The following GIPC2 variants were observed in gnomAD, a reference collection of about 807,000 sequenced individuals.
The protein encoded by GIPC2 is GIPC PDZ domain containing family member 2, also known as PDZ domain-containing protein GIPC2.
Under a neutral mutation model 30.6 loss-of-function variants are expected in GIPC2, and 30 were observed. The observed-to-expected ratio is 0.98, with a 90% CI of 0.73 to 1.33. The LOEUF is 1.33. Ranked by LOEUF, GIPC2 falls within the 40% of genes most tolerant of loss-of-function variation. The pLI is 0.00. For synonymous variants in GIPC2, 167 were observed against 150.0 expected (o/e 1.11, Z -0.83); for missense variants, 414 against 390.3 (o/e 1.06, Z -0.51).
intron 3 of GIPC2, among the ~76,000 whole-genome samples, chr1:78,104,097 G>A (rs1178211438): frequency 6.6e-6 from 1 of 151,874 alleles, no homozygotes. Context: ...TTTGAAGCCT[G>A]GGAGATGGGG....
At position 78,135,807 on chromosome 1, in the gene GIPC2, C is replaced by A; in HGVS notation, c.*64C>A. 7.3e-7 allele frequency: 1 copy of A among 1,367,052 alleles called. No individual in the cohort carries two copies. Among genetic ancestry groups the A allele is most frequent in the Non-Finnish European group, 1.0e-6 (1 of 982,834 alleles). The allele number at this position is 1,367,052 out of a possible 1,614,324, so 84.7% of individuals were successfully genotyped here. ...TTTTTTTTCTCTTTTTTAAAAAGTCCTATAAGATCTGTTTTTGGACACCTT... is the reference window on the plus strand; with the variant it reads ...TTTTTTTTCTCTTTTTTAAAAAGTCATATAAGATCTGTTTTTGGACACCTT... On this transcript the variant is annotated 3_prime_UTR_variant, in exon 6 of 6. Coordinates refer to ENST00000370759, the MANE Select transcript of GIPC2 (RefSeq NM_017655.6).
At chr1:78,047,345 C>T (rs1332235414) in intron 1 of GIPC2, among the ~76,000 whole-genome samples, 2 of 152,106 alleles carry the variant, frequency 1.3e-5, no homozygotes, top group African/African-American at 2.4e-5. Context: ...AGTTGTTTAT[C>T]AGGTCTGTTC....
At chr1:78,058,032 C>G (rs925363290) in intron 1 of GIPC2, among the ~76,000 whole-genome samples, 3 of 152,196 alleles carry the variant, frequency 2.0e-5, no homozygotes, top group Non-Finnish European at 4.4e-5. Context: ...TATGTTTATA[C>G]TTTTTGCTGG....
chr1:78,087,465 T>G (rs907923876), intron 2 of GIPC2, among the ~76,000 whole-genome samples: 2 of 152,094 alleles, frequency 1.3e-5, no homozygotes, highest in Admixed American at 6.5e-5. Context: ...CACCTGATAT[T>G]TAACAAAGCT....
chr1:78,126,434 G>A (rs1040242675), intron 5 of GIPC2, among the ~76,000 whole-genome samples: 2 of 151,908 alleles, frequency 1.3e-5, no homozygotes, highest in South Asian at 2.1e-4. Context: ...GAATTTCTGC[G>A]TATTTCTTAT....
At chr1:78,053,399 C>G (rs1661229662) in intron 1 of GIPC2, among the ~76,000 whole-genome samples, 1 of 152,172 alleles carries the variant, frequency 6.6e-6, no homozygotes. Context: ...TCACCTAACA[C>G]AAGCCCAAAT....
chr1:78,119,355 C>A, intron 3 of GIPC2, 38 bp from the exon 4 acceptor site: 1 of 1,092,912 alleles, frequency 9.1e-7, no homozygotes, highest in Non-Finnish European at 1.4e-6. Context: ...GGGATGCTTT[C>A]TGTGTATATG....
chr1:78,121,330 G>A (rs1212024968), intron 4 of GIPC2, among the ~76,000 whole-genome samples: 1 of 152,140 alleles, frequency 6.6e-6, no homozygotes, highest in Non-Finnish European at 1.5e-5. Flanking sequence ...GGGGGGCAGG[G>A]GCAAGGCTCT....
chr1:78,058,178 C>A (rs1661330983), intron 1 of GIPC2, among the ~76,000 whole-genome samples: 1 of 152,058 alleles, frequency 6.6e-6, no homozygotes, highest in Non-Finnish European at 1.5e-5. Flanking sequence ...TCTCTGAGAC[C>A]TTGGGCAAGT....
chr1:78,102,106 A>G (rs1662259903), intron 3 of GIPC2, among the ~76,000 whole-genome samples: 1 of 152,232 alleles, frequency 6.6e-6, no homozygotes, highest in African/African-American at 2.4e-5. Context: ...TTTCAAAAGC[A>G]GGAAGAAAAT....
At chr1:78,088,618 ACT>A (rs1661978612) in intron 2 of GIPC2, among the ~76,000 whole-genome samples, 1 of 152,100 alleles carries the variant, frequency 6.6e-6, no homozygotes, top group Non-Finnish European at 1.5e-5. Flanking sequence ...TCATAGTGAG[ACT>A]CTGTCTCTAC....
In GIPC2 at chr1:78,092,105, T is replaced by C. The variant is rs537692482; in HGVS notation, c.427-2847T>C. On this transcript the variant is annotated intron_variant, in intron 2 of 5. Coordinates refer to ENST00000370759, the MANE Select transcript of GIPC2 (RefSeq NM_017655.6). ...CTTTGTGTCTGTGGGTGGCCTGTGG[T>C]ATATGGAAAAGTAGCAGGGTGTTCA... 51 of 1,203,370 alleles carry C rather than the reference T, an allele frequency of 4.2e-5. No individual in the cohort carries two copies. The African/African-American group carries it at 6.2e-4, about 15-fold the overall frequency. 74.5% of individuals were successfully genotyped at this position (1,203,370 alleles called of 1,614,324 possible). A position where few individuals can be genotyped will look rare whatever the true frequency, so the allele number is the denominator to read the frequency against.
chr1:78,135,929 TAG>T lies in GIPC2; in HGVS notation c.*187_*188del, dbSNP rs1491068274. On this transcript the variant is annotated 3_prime_UTR_variant, in exon 6 of 6. Transcript: ENST00000370759. The stretch of plus-strand genomic sequence containing the variant: ...TGGGCACTTTTTAACATTGCTGATG[TAG>T]TATGCTTAAGAGAAATGACCTAAAT... 1.7e-4 allele frequency: 85 copies of T among 496,670 alleles called. No homozygotes were observed. The highest frequency in any genetic ancestry group is 2.6e-4 in the Non-Finnish European group (74 of 287,876). The allele number at this position is 496,670 out of a possible 1,614,324, so 30.8% of individuals were successfully genotyped here. A position where few individuals can be genotyped will look rare whatever the true frequency, so the allele number is the denominator to read the frequency against.
chr1:78,107,713 T>C (rs978228743), intron 3 of GIPC2, among the ~76,000 whole-genome samples: 9 of 150,050 alleles, frequency 6.0e-5, no homozygotes, highest in African/African-American at 2.2e-4. Context: ...TAATTCCAGC[T>C]ACTGGGGAGG....
intron 1 of GIPC2, among the ~76,000 whole-genome samples, chr1:78,066,434 TG>T (rs1298444154): frequency 6.6e-6 from 1 of 152,202 alleles, no homozygotes; most frequent in African/African-American, 2.4e-5. Context: ...ACACTGTTGG[TG>T]GGAGTGTAAA....
intron 1 of GIPC2, among the ~76,000 whole-genome samples, chr1:78,055,539 C>T (rs1237808503): frequency 1.3e-5 from 2 of 152,176 alleles, no homozygotes; most frequent in Non-Finnish European, 2.9e-5. Flanking sequence ...CAGCCTCTCT[C>T]TCTCCCTGCT....
intron 3 of GIPC2, among the ~76,000 whole-genome samples, chr1:78,105,247 A>G (rs551647828): frequency 1.3e-5 from 2 of 152,204 alleles, no homozygotes; most frequent in African/African-American, 4.8e-5. Flanking sequence ...ATATTTTTCA[A>G]GACATTTACC....
At chr1:78,066,703 A>G (rs1188070695) in intron 1 of GIPC2, among the ~76,000 whole-genome samples, 1 of 152,274 alleles carries the variant, frequency 6.6e-6, no homozygotes, top group Non-Finnish European at 1.5e-5. Context: ...CTATGCAGCC[A>G]TAAAAAGAAC....
At chr1:78,118,572 A>G (rs1400532799) in intron 3 of GIPC2, among the ~76,000 whole-genome samples, 1 of 152,184 alleles carries the variant, frequency 6.6e-6, no homozygotes, top group Non-Finnish European at 1.5e-5. Context: ...AGCATAAGGA[A>G]AGTAGTGGCT....
Sources: allele counts gnomAD v4.1 joint callset (sites outside exome capture counted in the v4.1 genomes callset), GRCh38; gene constraint gnomAD v4.1.1; transcripts MANE v1.5; gene names NCBI Gene and HGNC (gene_info 2026-07-23, HGNC 2026-07-21).